Variants in RACGAP1 observed in about 807,000 individuals in gnomAD.
The protein encoded by RACGAP1 is rac GTPase-activating protein 1.
A neutral mutation model predicts 78.1 loss-of-function variants in RACGAP1; 30 were observed. The observed-to-expected ratio is 0.38, with a 90% CI of 0.29 to 0.52. RACGAP1 has a LOEUF of 0.52. RACGAP1 is among the 20% of genes least tolerant of loss of function. RACGAP1 has a pLI of 0.82. For missense variants in RACGAP1, 587 were observed against 777.1 expected (o/e 0.76, Z 2.91); for synonymous variants, 231 against 264.8 (o/e 0.87, Z 1.24).
chr12:50,017,159 CTG>C, intron 1 of RACGAP1: 1 of 830,618 alleles, frequency 1.2e-6, no homozygotes. Flanking sequence ...GCTAATGCCC[CTG>C]TTGCAACTGC....
intron 2 of RACGAP1, among the ~76,000 whole-genome samples, chr12:50,031,478 C>CAA (rs56229939): frequency 0.029 from 2,057 of 70,426 alleles, 73 homozygotes; most frequent in Middle Eastern, 0.048. Flanking sequence ...GACTCCATCT[C>CAA]AAAAAAAAAA....
At chr12:50,000,018 A>ATTTTTTTTTTTTTTTTTTT (rs757681041) in intron 7 of RACGAP1, among the ~76,000 whole-genome samples, 2 of 99,642 alleles carry the variant, frequency 2.0e-5, no homozygotes, top group African/African-American at 3.8e-5. Flanking sequence ...CACCTGACTG[A>ATTTTTTTTTTTTTTTTTTT]TTTTTTTTTT....
At chr12:50,029,948 AT>A (rs1950316668), upstream of RACGAP1, among the ~76,000 whole-genome samples, 5 of 152,142 alleles carry the variant, frequency 3.3e-5, no homozygotes, top group African/African-American at 1.2e-4. Flanking sequence ...AATGATGACT[AT>A]GTGAAGTGAT....
chr12:50,001,152 C>A lies in RACGAP1; in HGVS notation c.630+20G>T. 1 of 1,549,742 alleles carries A rather than the reference C, an allele frequency of 6.5e-7. No homozygotes were observed. Among genetic ancestry groups the A allele is most frequent in the South Asian group, 1.1e-5 (1 of 89,600 alleles). ...GCTTGGGGCCAGTAATCTCTGTTACCTTGGCCTGACTATTCTTACCTGGTC... is the reference window on the plus strand; with the variant it reads ...GCTTGGGGCCAGTAATCTCTGTTACATTGGCCTGACTATTCTTACCTGGTC... On this transcript the variant is annotated intron_variant, in intron 7 of 16. Coordinates refer to ENST00000312377, the MANE Select transcript of RACGAP1 (RefSeq NM_001319999.2).
At chr12:50,009,092 C>G (rs1227449613) in intron 2 of RACGAP1, among the ~76,000 whole-genome samples, 1 of 151,866 alleles carries the variant, frequency 6.6e-6, no homozygotes, top group Admixed American at 6.6e-5. Context: ...GCCTGGCCAA[C>G]ATGGTGAAAC....
chr12:49,999,120 A>G, intron 9 of RACGAP1, 21 bp downstream of exon 9: 1 of 1,568,502 alleles, frequency 6.4e-7, no homozygotes, highest in African/African-American at 1.4e-5. Context: ...ATTAAAACAC[A>G]AACAACAATC....
At chr12:50,015,659 G>A (rs1373614108) in intron 2 of RACGAP1, among the ~76,000 whole-genome samples, 3 of 151,852 alleles carry the variant, frequency 2.0e-5, no homozygotes, top group East Asian at 1.9e-4. Context: ...AAAATTAGCC[G>A]GACGTGGTGG....
intron 2 of RACGAP1, among the ~76,000 whole-genome samples, chr12:50,010,173 C>T (rs1326600710): frequency 6.6e-6 from 1 of 151,888 alleles, no homozygotes; most frequent in East Asian, 1.9e-4. Flanking sequence ...GCTCAGGCAG[C>T]TTATGAAAAA....
At chr12:50,016,879 AT>A in intron 1 of RACGAP1, 160 bp from the exon 2 acceptor site, 3 of 1,373,208 alleles carry the variant, frequency 2.2e-6, no homozygotes, top group Non-Finnish European at 2.9e-6. Context: ...TGTGATTCTT[AT>A]TATAAAAACA....
At chr12:50,029,047 C>T (rs533936081), upstream of RACGAP1, among the ~76,000 whole-genome samples, 3 of 152,120 alleles carry the variant, frequency 2.0e-5, no homozygotes, top group East Asian at 3.9e-4. Context: ...GAAACCCTGT[C>T]TCTACTAAAA....
At chr12:50,001,009 T>C (rs147698408) in intron 7 of RACGAP1, among the ~76,000 whole-genome samples, 163 bp downstream of exon 7, 1,651 of 152,338 alleles carry the variant, frequency 0.011, 22 homozygotes, top group Middle Eastern at 0.02. Context: ...GATGGTGCCA[T>C]TGCACTCCAG....
upstream of RACGAP1, among the ~76,000 whole-genome samples, chr12:50,028,806 G>A (rs1565714972): frequency 6.6e-6 from 1 of 151,896 alleles, no homozygotes; most frequent in Non-Finnish European, 1.5e-5. Flanking sequence ...TTATGGCCGG[G>A]CACAGTGGCT....
upstream of RACGAP1, among the ~76,000 whole-genome samples, chr12:50,026,445 T>C (rs1324921397): frequency 1.3e-5 from 2 of 152,198 alleles, no homozygotes; most frequent in Non-Finnish European, 2.9e-5. Flanking sequence ...GAGGAAAATT[T>C]AGATCTATTG....
chr12:49,997,607 CTT>C (rs1948388107), intron 9 of RACGAP1, among the ~76,000 whole-genome samples: 1 of 148,180 alleles, frequency 6.7e-6, no homozygotes, highest in Admixed American at 6.8e-5. Flanking sequence ...GAGTTTCGCT[CTT>C]GTTGCCCAGG....
chr12:49,990,428 T>C, intron 16 of RACGAP1, 85 bp from the exon 17 acceptor site: 1 of 1,223,940 alleles, frequency 8.2e-7, no homozygotes. Context: ...ATATAACCCA[T>C]TATAAGTAGG....
intron 1 of RACGAP1, among the ~76,000 whole-genome samples, chr12:50,023,524 A>G (rs947882595): frequency 1.3e-5 from 2 of 152,196 alleles, no homozygotes; most frequent in African/African-American, 4.8e-5. Context: ...ACTTGAGGCC[A>G]GAAGTTCAAG....
intron 2 of RACGAP1, among the ~76,000 whole-genome samples, chr12:50,013,445 T>A (rs1176909995): frequency 2.6e-5 from 4 of 152,200 alleles, no homozygotes; most frequent in Non-Finnish European, 5.9e-5. Context: ...AGCTGCCTCC[T>A]TCTACAGGTC....
upstream of RACGAP1, among the ~76,000 whole-genome samples, chr12:50,027,807 C>A (rs1392910537): frequency 6.6e-6 from 1 of 152,184 alleles, no homozygotes; most frequent in Non-Finnish European, 1.5e-5. Flanking sequence ...GCCAGGGCAA[C>A]AGGGCGTGAC....
intron 9 of RACGAP1, among the ~76,000 whole-genome samples, chr12:49,998,415 A>AG (rs945865138): frequency 2.1e-4 from 32 of 152,016 alleles, no homozygotes; most frequent in Non-Finnish European, 4.4e-5. Flanking sequence ...AGAAAAAAAA[A>AG]GAAAAAAAGA....
Sources: gnomAD v4.1 joint callset for allele counts (sites outside exome capture counted in the v4.1 genomes callset) on GRCh38, gnomAD v4.1.1 for gene constraint, MANE v1.5 for transcripts, NCBI Gene and HGNC (gene_info 2026-07-23, HGNC 2026-07-21) for gene names.